The following CREBRF variants were observed in gnomAD, a reference collection of about 807,000 sequenced individuals.
CREBRF encodes the protein CREB3 regulatory factor.
In CREBRF, 5 loss-of-function variants were observed where a neutral mutation model predicts 66.1. That is an observed-to-expected ratio of 0.08 (90% CI 0.04 to 0.16). CREBRF has a LOEUF of 0.16. Among genes scored for constraint, CREBRF ranks in the 10% least tolerant of loss-of-function variants. The pLI is 1.00. For synonymous variants in CREBRF, 229 were observed against 264.4 expected (o/e 0.87, Z 1.30); for missense variants, 531 against 744.9 (o/e 0.71, Z 3.34).
intron 3 of CREBRF, among the ~76,000 whole-genome samples, chr5:173,086,988 C>T (rs1347828754): frequency 6.7e-6 from 1 of 149,550 alleles, no homozygotes; most frequent in Non-Finnish European, 1.5e-5. Context: ...GCTCTGTTGC[C>T]CAGGCTGGAG....
chr5:173,096,287 G>A (rs1399309814), intron 4 of CREBRF, among the ~76,000 whole-genome samples: 1 of 152,138 alleles, frequency 6.6e-6, no homozygotes, highest in African/African-American at 2.4e-5. Context: ...AGTCTTTAGG[G>A]TTTTCTAGAT....
intron 7 of CREBRF, among the ~76,000 whole-genome samples, chr5:173,119,658 A>C (rs1377848683): frequency 1.3e-5 from 2 of 152,196 alleles, no homozygotes; most frequent in African/African-American, 4.8e-5. Context: ...TAGAACAGCC[A>C]CAATATTAAA....
intron 7 of CREBRF, among the ~76,000 whole-genome samples, chr5:173,115,303 CTTCATGT>C (rs1293156685): frequency 1.3e-5 from 2 of 151,994 alleles, no homozygotes; most frequent in African/African-American, 4.8e-5. Flanking sequence ...GACAGGGTTT[CTTCATGT>C]TGGTCAGGCT....
At chr5:173,108,862 A>G (rs1302178241) in intron 5 of CREBRF, 44 bp downstream of exon 5, 3 of 1,554,554 alleles carry the variant, frequency 1.9e-6, no homozygotes, top group Admixed American at 1.8e-5. Flanking sequence ...ACTTTAATCA[A>G]GTTGAGCTAC....
rs70984942 is a variant in CREBRF, at chr5:173,120,683, CTTTTTTTTTTT to C, written c.1682-2378_1682-2368del. ...GATGTGAGCCACCGTGCCTGAGCCT[CTTTTTTTTTTT>C]TTTTTTTTTTTTTTTTTTGAGATGG... On this transcript the variant is annotated intron_variant, in intron 7 of 8. Transcript: ENST00000296953. Among the ~76,000 whole-genome samples, 347 of 51,278 alleles carry C rather than the reference CTTTTTTTTTTT, an allele frequency of 6.8e-3. 4 individuals carry two copies. The highest frequency in any genetic ancestry group is 0.021 in the African/African-American group (312 of 14,996). 33.6% of individuals were successfully genotyped at this position (51,278 alleles called of 152,430 possible). A position where few individuals can be genotyped will look rare whatever the true frequency, so the allele number is the denominator to read the frequency against.
Position 173,137,954 on chromosome 5 carries a change from A to T in CREBRF, c.*4209A>T, listed in dbSNP as rs1759625950. 2 of 152,288 alleles carry T rather than the reference A, an allele frequency of 1.3e-5. No homozygotes were observed. Among genetic ancestry groups the T allele is most frequent in the Non-Finnish European group, 2.9e-5 (2 of 68,000 alleles). 9.4% of individuals were successfully genotyped at this position (152,288 alleles called of 1,614,324 possible). A position where few individuals can be genotyped will look rare whatever the true frequency, so the allele number is the denominator to read the frequency against. On this transcript the variant is annotated 3_prime_UTR_variant, in exon 9 of 9. Coordinates refer to ENST00000296953, the MANE Select transcript of CREBRF (RefSeq NM_153607.3). ...GTTAATTATGTAACAGAATGTTAGC[A>T]TCTCTCCATATCTTGAAACTTGAAT...
At chr5:173,096,093 T>C (rs948184978) in intron 4 of CREBRF, among the ~76,000 whole-genome samples, 1 of 152,052 alleles carries the variant, frequency 6.6e-6, no homozygotes, top group Admixed American at 6.6e-5. Context: ...CTCAGCCTCC[T>C]GAGTAGCTGG....
At chr5:173,066,808 C>A (rs1308506553) in intron 1 of CREBRF, among the ~76,000 whole-genome samples, 2 of 63,072 alleles carry the variant, frequency 3.2e-5, no homozygotes, top group East Asian at 4.5e-4. Context: ...TTCATTGAAT[C>A]TTTTTTTTTT....
Position 173,137,607 on chromosome 5 carries a change from A to G in CREBRF, c.*3862A>G, listed in dbSNP as rs1180036740. On this transcript the variant is annotated 3_prime_UTR_variant, in exon 9 of 9. Transcript: ENST00000296953. ...GAAGAGTACCCATTTTGTTTTATAA[A>G]AACAGATGACAAGTCTCTTTAAAAG... is the stretch of plus-strand genomic sequence containing the variant. 1 of 152,074 alleles carries G rather than the reference A, an allele frequency of 6.6e-6. No homozygotes were observed. The highest frequency in any genetic ancestry group is 6.6e-5 in the Admixed American group (1 of 15,252). 9.4% of individuals were successfully genotyped at this position (152,074 alleles called of 1,614,324 possible).
intron 1 of CREBRF, among the ~76,000 whole-genome samples, chr5:173,063,364 TTTC>T (rs560107953): frequency 2.6e-4 from 39 of 152,264 alleles, no homozygotes; most frequent in African/African-American, 8.7e-4. Flanking sequence ...AATTTCCTGA[TTTC>T]TTCTTCTCTA....
intron 4 of CREBRF, 138 bp from the exon 5 acceptor site, chr5:173,108,486 T>G: frequency 1.4e-5 from 10 of 696,448 alleles, no homozygotes; most frequent in Middle Eastern, 4.0e-4. Flanking sequence ...TAGACCTGGT[T>G]TATTATCTTT....
At chr5:173,114,930 A>G (rs1581037873) in intron 7 of CREBRF, among the ~76,000 whole-genome samples, 1 of 152,144 alleles carries the variant, frequency 6.6e-6, no homozygotes, top group African/African-American at 2.4e-5. Flanking sequence ...TTTGGACTCA[A>G]TTTCTGAGAG....
At chr5:173,081,237 A>G (rs2113708385) in intron 2 of CREBRF, among the ~76,000 whole-genome samples, 1 of 152,192 alleles carries the variant, frequency 6.6e-6, no homozygotes, top group East Asian at 1.9e-4. Context: ...AGACACACAC[A>G]CATACCTATG....
chr5:173,057,245 G>C (rs1393234210), intron 1 of CREBRF: 1 of 152,404 alleles, frequency 6.6e-6, no homozygotes, highest in African/African-American at 2.4e-5. Flanking sequence ...GGTGCCGCGG[G>C]GGGGCCACTA....
chr5:173,112,353 A>C lies in CREBRF; in HGVS notation c.1655A>C (p.Lys552Thr). 6.2e-7 allele frequency: 1 copy of C among 1,603,146 alleles called. No individual in the cohort carries two copies. The change falls in exon 7 of 9, where the codon AAA becomes ACA. Residue 552 changes from lysine to threonine, a missense_variant. By Grantham distance (78) the Lys-to-Thr change is moderately conservative (BLOSUM62 -1). Coordinates refer to ENST00000296953, the MANE Select transcript of CREBRF (RefSeq NM_153607.3). ...KKAQYEANKVKLWGLNTEYDN... is the reference protein window; with the variant it reads ...KKAQYEANKVTLWGLNTEYDN... Reference sequence around the variant, plus strand: ...GCCCAGTATGAAGCTAATAAAGTGAAATTATGGGGCCTCAACACAGAATAT... The same window carrying C: ...GCCCAGTATGAAGCTAATAAAGTGACATTATGGGGCCTCAACACAGAATAT...
chr5:173,132,252 A>AT (rs1250925791), intron 8 of CREBRF, among the ~76,000 whole-genome samples: 1 of 147,732 alleles, frequency 6.8e-6, no homozygotes. Flanking sequence ...TGCCCAGCTA[A>AT]TTTTTTGTAT....
chr5:173,108,370 T>C (rs568621644), intron 4 of CREBRF, among the ~76,000 whole-genome samples: 26 of 152,154 alleles, frequency 1.7e-4, no homozygotes, highest in Non-Finnish European at 3.7e-4. Flanking sequence ...TACTAACTTA[T>C]AAAAACTAAA....
intron 5 of CREBRF, 39 bp from the exon 6 acceptor site, chr5:173,110,483 A>T: frequency 6.9e-7 from 1 of 1,452,568 alleles, no homozygotes; most frequent in Non-Finnish European, 9.7e-7. Flanking sequence ...CTTGTTAATT[A>T]AAGTGATCTG....
At chr5:173,127,162 CTTTTTT>C (rs70984944) in intron 8 of CREBRF, among the ~76,000 whole-genome samples, 1 of 114,752 alleles carries the variant, frequency 8.7e-6, no homozygotes, top group Admixed American at 8.8e-5. Flanking sequence ...GTTTCTTTTT[CTTTTTT>C]TTTTTTTTTT....
Sources: gnomAD v4.1 joint callset for allele counts (sites outside exome capture counted in the v4.1 genomes callset) on GRCh38, gnomAD v4.1.1 for gene constraint, MANE v1.5 for transcripts, NCBI Gene and HGNC (gene_info 2026-07-23, HGNC 2026-07-21) for gene names.